CALN1: variants seen among roughly 807,000 people sequenced by gnomAD.
CALN1 encodes the protein calneuron 1.
Under a neutral mutation model 30.6 loss-of-function variants are expected in CALN1, and 17 were observed. The ratio of observed to expected loss-of-function variants is 0.56; its 90% CI spans 0.38 to 0.83. The LOEUF is 0.83. CALN1 is among the 40% of genes least tolerant of loss of function. The probability of loss-of-function intolerance (pLI) is 0.00; values close to 1 mark genes in which losing one functional copy is unlikely to be tolerated. For synonymous variants in CALN1, 156 were observed against 131.4 expected (o/e 1.19, Z -1.28); for missense variants, 291 against 354.9 (o/e 0.82, Z 1.45).
At chr7:72,194,452 C>G (rs904376827) in intron 3 of CALN1, among the ~76,000 whole-genome samples, 1 of 152,062 alleles carries the variant, frequency 6.6e-6, no homozygotes, top group Non-Finnish European at 1.5e-5. Flanking sequence ...ATCACTTTAG[C>G]CTGGGAGAGG....
chr7:72,234,535 C>T (rs1794346893), intron 3 of CALN1, among the ~76,000 whole-genome samples: 1 of 152,172 alleles, frequency 6.6e-6, no homozygotes, highest in Non-Finnish European at 1.5e-5. Flanking sequence ...CAACCTCTGC[C>T]TCCCAGGTTC....
chr7:71,814,834 C>CTTT (rs201392659), intron 5 of CALN1, among the ~76,000 whole-genome samples: 2 of 142,206 alleles, frequency 1.4e-5, no homozygotes, highest in Non-Finnish European at 1.5e-5. Flanking sequence ...AGTTAATCAA[C>CTTT]TTTTTTTTTT....
chr7:72,269,636 C>T (rs2129553355), intron 3 of CALN1, among the ~76,000 whole-genome samples: 1 of 152,240 alleles, frequency 6.6e-6, no homozygotes, highest in African/African-American at 2.4e-5. Flanking sequence ...ATTTGCCCCC[C>T]AACAGAGCGT....
At chr7:71,834,517 T>A (rs537084277) in intron 5 of CALN1, among the ~76,000 whole-genome samples, 1 of 152,248 alleles carries the variant, frequency 6.6e-6, no homozygotes, top group African/African-American at 2.4e-5. Flanking sequence ...GTTAAAAACA[T>A]TGGGAAAACT....
At chr7:71,826,537 G>A (rs1405938033) in intron 5 of CALN1, among the ~76,000 whole-genome samples, 1 of 152,160 alleles carries the variant, frequency 6.6e-6, no homozygotes, top group Non-Finnish European at 1.5e-5. Flanking sequence ...TGCTCCTGAA[G>A]CAGCTCTGAC....
chr7:72,090,310 A>G (rs1050712124), intron 4 of CALN1, among the ~76,000 whole-genome samples: 12 of 152,348 alleles, frequency 7.9e-5, no homozygotes, highest in African/African-American at 2.9e-4. Flanking sequence ...AAGAAAGGAG[A>G]AAAGTAAAAT....
intron 2 of CALN1, among the ~76,000 whole-genome samples, chr7:72,330,032 T>C (rs995148376): frequency 1.3e-5 from 2 of 151,978 alleles, no homozygotes; most frequent in East Asian, 3.9e-4. Flanking sequence ...GGCTTATACC[T>C]GTAATCCCAG....
the CALN1 span, among the ~76,000 whole-genome samples, chr7:72,464,055 AAG>A: frequency 3.4e-5 from 5 of 149,138 alleles, no homozygotes; most frequent in African/African-American, 7.6e-5. Flanking sequence ...AGAAAGAAGA[AAG>A]AGAAAGAAAG....
intron 3 of CALN1, among the ~76,000 whole-genome samples, chr7:72,143,163 G>A (rs565425025): frequency 6.6e-6 from 1 of 152,214 alleles, no homozygotes. Context: ...GGCTACAGAC[G>A]ATCAAACTTC....
At chr7:72,279,536 G>A (rs1196334938) in intron 2 of CALN1, among the ~76,000 whole-genome samples, 1 of 152,108 alleles carries the variant, frequency 6.6e-6, no homozygotes, top group Non-Finnish European at 1.5e-5. Flanking sequence ...ATCCTTCTAC[G>A]CCAATAGAAA....
intron 3 of CALN1, among the ~76,000 whole-genome samples, chr7:72,136,815 G>T (rs1809543152): frequency 6.6e-6 from 1 of 152,172 alleles, no homozygotes; most frequent in Non-Finnish European, 1.5e-5. Flanking sequence ...CAAGGAGAGG[G>T]AGACAGATAG....
intron 3 of CALN1, among the ~76,000 whole-genome samples, chr7:72,141,109 C>T (rs1809901168): frequency 6.6e-6 from 1 of 152,206 alleles, no homozygotes; most frequent in Non-Finnish European, 1.5e-5. Flanking sequence ...TCTCTGCGTC[C>T]TGAGAAAAGT....
At chr7:72,198,611 C>T (rs767554435) in intron 3 of CALN1, among the ~76,000 whole-genome samples, 1 of 152,138 alleles carries the variant, frequency 6.6e-6, no homozygotes, top group Admixed American at 6.5e-5. Flanking sequence ...AAATAACCCA[C>T]TCCCAGCAAT....
At chr7:71,935,888 T>C (rs924517275) in intron 5 of CALN1, among the ~76,000 whole-genome samples, 1 of 152,236 alleles carries the variant, frequency 6.6e-6, no homozygotes, top group South Asian at 2.1e-4. Context: ...ACAGGTTACA[T>C]GTACCTTCTG....
intron 2 of CALN1, among the ~76,000 whole-genome samples, chr7:72,291,773 C>T (rs543587466): frequency 5.3e-5 from 8 of 152,128 alleles, no homozygotes; most frequent in East Asian, 1.9e-4. Context: ...CCACAATGCC[C>T]GGCTAATTTT....
chr7:72,106,064 A>G, intron 4 of CALN1, 87 bp downstream of exon 4: 7 of 1,486,230 alleles, frequency 4.7e-6, no homozygotes, highest in Non-Finnish European at 6.3e-6. Context: ...CTCTGGATTT[A>G]AAAGTGCAAG....
intron 2 of CALN1, among the ~76,000 whole-genome samples, chr7:72,370,327 T>C (rs541453836): frequency 2.2e-4 from 33 of 152,322 alleles, no homozygotes; most frequent in Non-Finnish European, 4.4e-4. Flanking sequence ...ATCTTTAAAT[T>C]GGTAGTCTGT....
At chr7:72,205,551 A>AAATATATATATATATATATATATAT in intron 3 of CALN1, among the ~76,000 whole-genome samples, 1 of 83,036 alleles carries the variant, frequency 1.2e-5, no homozygotes, top group Non-Finnish European at 2.0e-5. Context: ...GCAAAAAAAA[A>AAATATATATATATATATATATATAT]ATATATATAT....
intron 2 of CALN1, among the ~76,000 whole-genome samples, chr7:72,366,113 T>C (rs1348923700): frequency 6.6e-6 from 1 of 152,084 alleles, no homozygotes; most frequent in Non-Finnish European, 1.5e-5. Context: ...GACTAAAGTA[T>C]GGTACATTCC....
Sources: allele counts gnomAD v4.1 joint callset (sites outside exome capture counted in the v4.1 genomes callset), GRCh38; gene constraint gnomAD v4.1.1; transcripts MANE v1.5; gene names NCBI Gene and HGNC (gene_info 2026-07-23, HGNC 2026-07-21).